Variants in VWC2L observed in about 807,000 individuals in gnomAD.
VWC2L encodes the protein von Willebrand factor C domain-containing protein 2-like.
Under a neutral mutation model 21.6 loss-of-function variants are expected in VWC2L, and 10 were observed. The observed-to-expected ratio is 0.46, with a 90% confidence interval of 0.29 to 0.78. The LOEUF (loss-of-function observed/expected upper bound fraction) is 0.78. VWC2L is among the 30% of genes least tolerant of loss of function. VWC2L has a pLI of 0.10. For missense variants in VWC2L, 209 were observed against 277.1 expected, an observed-to-expected ratio of 0.75 and a Z score of 1.74; for synonymous variants, 96 against 94.3, an observed-to-expected ratio of 1.02 and a Z score of -0.10.
chr2:214,523,656 T>C (rs942988592), intron 3 of VWC2L, among the ~76,000 whole-genome samples: 8 of 152,130 alleles, frequency 5.3e-5, no homozygotes, highest in Non-Finnish European at 4.4e-5. Flanking sequence ...CTGGCCAACA[T>C]GGTGAAACCC....
intron 3 of VWC2L, among the ~76,000 whole-genome samples, chr2:214,481,303 A>G (rs2126197038): frequency 6.6e-6 from 1 of 152,292 alleles, no homozygotes; most frequent in South Asian, 2.1e-4. Context: ...TTCTGTTTTC[A>G]TCATCTTGCA....
chr2:214,472,184 T>C (rs770391801), intron 3 of VWC2L: 3 of 152,124 alleles, frequency 2.0e-5, no homozygotes, highest in Non-Finnish European at 2.9e-5. Flanking sequence ...ATAAACAGAT[T>C]CCTGCAGCAA....
chr2:214,501,520 G>A (rs561220418), intron 3 of VWC2L, among the ~76,000 whole-genome samples: 5 of 152,094 alleles, frequency 3.3e-5, no homozygotes, highest in South Asian at 2.1e-4. Context: ...TCAGGAGCTC[G>A]AGACCAGCCT....
At chr2:214,501,494 G>A (rs1056209900) in intron 3 of VWC2L, among the ~76,000 whole-genome samples, 11 of 151,936 alleles carry the variant, frequency 7.2e-5, no homozygotes, top group East Asian at 3.9e-4. Flanking sequence ...AGTCCGAGGC[G>A]GTGAATCGCC....
chr2:214,441,515 A>C (rs1453974603), intron 3 of VWC2L, among the ~76,000 whole-genome samples: 2 of 152,084 alleles, frequency 1.3e-5, no homozygotes, highest in Admixed American at 6.6e-5. Context: ...ATATCAGCAA[A>C]AGTATTGAGA....
chr2:214,545,277 G>A (rs1275193915), intron 3 of VWC2L, among the ~76,000 whole-genome samples: 3 of 152,110 alleles, frequency 2.0e-5, no homozygotes, highest in Non-Finnish European at 2.9e-5. Context: ...ATATCCGCGT[G>A]CACCCTCCAT....
chr2:214,575,943 T>C lies in VWC2L; in HGVS notation c.*123T>C, dbSNP rs1690223298. On this transcript the variant is annotated 3_prime_UTR_variant, in exon 4 of 4. Coordinates refer to ENST00000312504, the MANE Select transcript of VWC2L (RefSeq NM_001080500.4). ...GCTACAACAGGGTCACCAGCAAAAC[T>C]TTCTAGGGTTGACAAAAGTGAATAT... is the stretch of plus-strand genomic sequence containing the variant. 2.6e-6 allele frequency: 3 copies of C among 1,147,314 alleles called. No individual in the cohort carries two copies. In the South Asian group the frequency reaches 5.6e-5, roughly 22 times the overall value. 71.1% of individuals were successfully genotyped at this position (1,147,314 alleles called of 1,614,324 possible). A position where few individuals can be genotyped will look rare whatever the true frequency, so the allele number is the denominator to read the frequency against.
At chr2:214,466,015 G>A (rs570394084) in intron 3 of VWC2L, among the ~76,000 whole-genome samples, 1 of 152,152 alleles carries the variant, frequency 6.6e-6, no homozygotes, top group Non-Finnish European at 1.5e-5. Flanking sequence ...TGTGGGAGGG[G>A]TGGCATCAAG....
intron 3 of VWC2L, among the ~76,000 whole-genome samples, chr2:214,573,936 T>G (rs898022925): frequency 5.9e-5 from 9 of 152,160 alleles, no homozygotes; most frequent in Admixed American, 1.3e-4. Flanking sequence ...AGGTCAGGAA[T>G]TCGAGACCAG....
chr2:214,453,171 T>A (rs1039464937), intron 3 of VWC2L, among the ~76,000 whole-genome samples: 1 of 152,232 alleles, frequency 6.6e-6, no homozygotes, highest in Non-Finnish European at 1.5e-5. Flanking sequence ...TTTTCCTTTG[T>A]TTTCTCCTAT....
At chr2:214,557,285 C>G (rs114362091) in intron 3 of VWC2L, among the ~76,000 whole-genome samples, 1 of 152,020 alleles carries the variant, frequency 6.6e-6, no homozygotes, top group Non-Finnish European at 1.5e-5. Flanking sequence ...CCAAGCTAAA[C>G]GGGTTTCCCC....
chr2:214,421,880 T>G (rs1162273910), intron 2 of VWC2L, among the ~76,000 whole-genome samples: 1 of 124,360 alleles, frequency 8.0e-6, no homozygotes, highest in Non-Finnish European at 1.6e-5. Flanking sequence ...TTCTATTTCC[T>G]ACATCTTTTT....
chr2:214,415,792 T>G (rs1030854242), intron 2 of VWC2L, among the ~76,000 whole-genome samples: 4 of 152,138 alleles, frequency 2.6e-5, no homozygotes, highest in Non-Finnish European at 4.4e-5. Flanking sequence ...AAAGGGAAAT[T>G]TTAATTGTGA....
At chr2:214,441,093 C>G (rs978651004) in intron 3 of VWC2L, among the ~76,000 whole-genome samples, 3 of 152,158 alleles carry the variant, frequency 2.0e-5, no homozygotes, top group African/African-American at 7.2e-5. Flanking sequence ...GTCCCTCACT[C>G]TCTTCTAGTT....
intron 3 of VWC2L, among the ~76,000 whole-genome samples, chr2:214,521,280 A>AATCAATCAAT (rs1264716405): frequency 4.1e-5 from 6 of 147,084 alleles, no homozygotes; most frequent in South Asian, 2.2e-4. Context: ...AATAAATAAA[A>AATCAATCAAT]CTACCAAGTT....
chr2:214,433,182 ATT>A (rs1559289350), intron 2 of VWC2L, among the ~76,000 whole-genome samples: 3 of 132,466 alleles, frequency 2.3e-5, no homozygotes, highest in South Asian at 2.4e-4. Flanking sequence ...ATATATATAT[ATT>A]ATATATAAAT....
intron 3 of VWC2L, among the ~76,000 whole-genome samples, chr2:214,487,464 C>T (rs1032403299): frequency 2.6e-5 from 4 of 152,118 alleles, no homozygotes; most frequent in African/African-American, 9.7e-5. Flanking sequence ...AAAGATATCA[C>T]AGTGTAATCA....
intron 3 of VWC2L, among the ~76,000 whole-genome samples, chr2:214,546,833 T>C (rs1689714403): frequency 6.6e-6 from 1 of 152,136 alleles, no homozygotes; most frequent in Non-Finnish European, 1.5e-5. Flanking sequence ...AAAGTGATTC[T>C]ATGCCAAACT....
chr2:214,477,290 G>A (rs1480557753), intron 3 of VWC2L, among the ~76,000 whole-genome samples: 1 of 152,176 alleles, frequency 6.6e-6, no homozygotes, highest in Non-Finnish European at 1.5e-5. Flanking sequence ...AAGGAGCCAG[G>A]ATGTTCCCTC....
Sources: gnomAD v4.1 joint callset for allele counts (sites outside exome capture counted in the v4.1 genomes callset) on GRCh38, gnomAD v4.1.1 for gene constraint, MANE v1.5 for transcripts, NCBI Gene and HGNC (gene_info 2026-07-23, HGNC 2026-07-21) for gene names.